The following SLC15A4 variants were observed in gnomAD, a reference collection of about 807,000 sequenced individuals.
SLC15A4 encodes the protein hPHT1.
A neutral mutation model predicts 46.1 loss-of-function variants in SLC15A4; 26 were observed. The observed-to-expected ratio is 0.56, with a 90% CI of 0.41 to 0.78. SLC15A4 has a LOEUF of 0.78. SLC15A4 is among the 30% of genes least tolerant of loss of function. The pLI is 0.00. For synonymous variants in SLC15A4, 370 were observed against 333.4 expected, an observed-to-expected ratio of 1.11 and a Z score of -1.20; for missense variants, 751 against 755.7, an observed-to-expected ratio of 0.99 and a Z score of 0.07.
chr12:128,804,665 C>T (rs931182352), intron 5 of SLC15A4, among the ~76,000 whole-genome samples: 9 of 152,106 alleles, frequency 5.9e-5, no homozygotes, highest in African/African-American at 2.2e-4. Flanking sequence ...GGGAGGCGGA[C>T]GTTGCAGTGA....
chr12:128,794,395 T>G, intron 7 of SLC15A4, 39 bp from the exon 8 acceptor site: 1 of 1,570,892 alleles, frequency 6.4e-7, no homozygotes, highest in Non-Finnish European at 8.6e-7. Context: ...TAAGCTGCGC[T>G]GCTACAGGTA....
chr12:128,807,695 C>G (rs1010487018), intron 5 of SLC15A4, among the ~76,000 whole-genome samples: 1 of 152,210 alleles, frequency 6.6e-6, no homozygotes, highest in African/African-American at 2.4e-5. Context: ...TCTTCTCTGC[C>G]CATGCTTATT....
chr12:128,796,592 C>G (rs1955447625), intron 7 of SLC15A4, among the ~76,000 whole-genome samples: 1 of 152,080 alleles, frequency 6.6e-6, no homozygotes, highest in African/African-American at 2.4e-5. Flanking sequence ...CAGACTAAAG[C>G]TTTATTTTTT....
chr12:128,816,118 C>T (rs975499515), intron 1 of SLC15A4, among the ~76,000 whole-genome samples: 3 of 152,178 alleles, frequency 2.0e-5, no homozygotes, highest in Admixed American at 2.0e-4. Context: ...CACTGACTTC[C>T]TGGACTCAAA....
chr12:128,818,058 G>T (rs971719400), intron 1 of SLC15A4, among the ~76,000 whole-genome samples: 1 of 151,242 alleles, frequency 6.6e-6, no homozygotes, highest in Non-Finnish European at 1.5e-5. Context: ...CCTTAAAATG[G>T]GGTGTCAGTT....
chr12:128,794,697 C>T (rs3825180), intron 7 of SLC15A4, among the ~76,000 whole-genome samples: 80,362 of 151,990 alleles, frequency 0.53, 21,911 homozygotes, highest in Non-Finnish European at 0.61. Flanking sequence ...AAAATCCCTG[C>T]GTGGCCTGCA....
At chr12:128,794,796 AC>A (rs1372258762) in intron 7 of SLC15A4, among the ~76,000 whole-genome samples, 2 of 152,152 alleles carry the variant, frequency 1.3e-5, no homozygotes, top group African/African-American at 4.8e-5. Flanking sequence ...GCAAGGGGAA[AC>A]CTGCCAACCC....
intron 5 of SLC15A4, among the ~76,000 whole-genome samples, chr12:128,805,656 C>A (rs978542791): frequency 2.0e-5 from 3 of 152,084 alleles, no homozygotes; most frequent in Non-Finnish European, 4.4e-5. Flanking sequence ...TCTCAGCCTC[C>A]GAGTAGCTGG....
intron 1 of SLC15A4, among the ~76,000 whole-genome samples, chr12:128,821,499 G>C (rs948528909): frequency 2.6e-5 from 4 of 152,196 alleles, no homozygotes; most frequent in Non-Finnish European, 4.4e-5. Flanking sequence ...AACAGGTGGG[G>C]CTATGTTCCA....
intron 1 of SLC15A4, among the ~76,000 whole-genome samples, chr12:128,820,594 T>C (rs773415907): frequency 2.0e-5 from 3 of 152,236 alleles, no homozygotes; most frequent in Admixed American, 6.5e-5. Context: ...TTTGGGCCAA[T>C]GATTAAACCT....
intron 1 of SLC15A4, among the ~76,000 whole-genome samples, chr12:128,820,263 A>G (rs1425308883): frequency 6.6e-6 from 1 of 152,228 alleles, no homozygotes; most frequent in Admixed American, 6.5e-5. Flanking sequence ...TAGCTAAAAA[A>G]GAACCAGAGC....
Position 128,814,857 on chromosome 12 carries a change from C to G in SLC15A4, c.760G>C (p.Gly254Arg). 2 of 1,614,166 alleles carry G rather than the reference C, an allele frequency of 1.2e-6. No homozygotes were observed. The highest frequency in any genetic ancestry group is 1.7e-6 in the Non-Finnish European group (2 of 1,180,028). Residue 254 changes from glycine to arginine, a missense_variant, in exon 2 of 8, where the codon GGC becomes CGC. Transcript: ENST00000266771. ...TTGAACATGTCGGTGAAGGCACTGC[C>G]ATCAGGAGGCTTGGTGATGAAAACG... ...QSVFITKPPD[G>R]SAFTDMFKIL...
chr12:128,811,980 C>T (rs1262203211), intron 2 of SLC15A4, among the ~76,000 whole-genome samples: 1 of 152,208 alleles, frequency 6.6e-6, no homozygotes, highest in Non-Finnish European at 1.5e-5. Flanking sequence ...GCTCCTCCCA[C>T]ACAAGTTGAC....
rs1955892768 is a variant in SLC15A4 at position 128,823,803 on chromosome 12, C to T, written c.141G>A (p.Glu47=). The T allele has an allele frequency of 6.7e-6, 10 of 1,491,702 alleles. No individual in the cohort carries two copies. The highest frequency in any genetic ancestry group is 8.9e-6 in the Non-Finnish European group (10 of 1,125,816). 92.4% of individuals were successfully genotyped at this position (1,491,702 alleles called of 1,614,324 possible). ...ACGTGATGCCGTAGAAAGCGGCGCG[C>T]TCCAGCAGCTCCGTCAGCAGCACGG... ...CGAVLLTELL[E]RAAFYGITSN... The change falls in exon 1 of 8, where the codon GAG becomes GAA. Residue 47 remains glutamate, a synonymous_variant. Transcript: ENST00000266771.
chr12:128,816,370 T>C (rs539775141), intron 1 of SLC15A4, among the ~76,000 whole-genome samples: 133 of 152,358 alleles, frequency 8.7e-4, no homozygotes, highest in African/African-American at 2.6e-3. Context: ...AGGCTGATAC[T>C]GGATCTCATA....
At chr12:128,800,356 C>T (rs4760591) in intron 6 of SLC15A4, among the ~76,000 whole-genome samples, 96,404 of 152,098 alleles carry the variant, frequency 0.63, 31,822 homozygotes, top group East Asian at 0.76. Context: ...TATCACTCAT[C>T]TTCTCTTCTC....
intron 4 of SLC15A4, 120 bp downstream of exon 4, chr12:128,809,276 A>G (rs1025278254): frequency 2.9e-6 from 2 of 700,440 alleles, no homozygotes; most frequent in South Asian, 2.1e-5. Flanking sequence ...CTCTATTTCA[A>G]TAACAATGCT....
At position 128,823,619 on chromosome 12, in the gene SLC15A4, T is replaced by A. The variant is rs1399664873; in HGVS notation, c.325A>T (p.Ser109Cys). The change falls in exon 1 of 8, where the codon AGC becomes TGC. Residue 109 changes from serine to cysteine, a missense_variant. Coordinates refer to ENST00000266771, the MANE Select transcript of SLC15A4 (RefSeq NM_145648.4). ...ATGCCCAGCAGGTAGAGCGCCAGGC[T>A]CAGCAGGATGGCGCGCGCCCGGCCC... ...RLGRARAILL[S>C]LALYLLGMLA... 2.0e-6 allele frequency: 3 copies of A among 1,469,840 alleles called. No individual in the cohort carries two copies. In the Admixed American group the frequency reaches 7.1e-5, roughly 35 times the overall value. The allele number at this position is 1,469,840 out of a possible 1,614,324, so 91.0% of individuals were successfully genotyped here.
intron 1 of SLC15A4, among the ~76,000 whole-genome samples, chr12:128,817,207 TAA>T (rs61557926): frequency 6.6e-6 from 1 of 152,252 alleles, no homozygotes; most frequent in African/African-American, 2.4e-5. Context: ...CTCTACTGAA[TAA>T]AGAGTTTGAG....
Sources: gnomAD v4.1 joint callset for allele counts (sites outside exome capture counted in the v4.1 genomes callset) on GRCh38, gnomAD v4.1.1 for gene constraint, MANE v1.5 for transcripts, NCBI Gene and HGNC (gene_info 2026-07-23, HGNC 2026-07-21) for gene names.